TECTA: variants seen among roughly 807,000 people sequenced by gnomAD.
TECTA encodes the protein tectorin alpha, also known as alpha-tectorin.
In TECTA, 128 loss-of-function variants were observed where a neutral mutation model predicts 216.8. The ratio of observed to expected loss-of-function variants is 0.59; its 90% confidence interval spans 0.51 to 0.68. TECTA has a LOEUF of 0.68. Ranked by LOEUF, TECTA falls within the 30% of genes least tolerant of loss-of-function variation. TECTA has a pLI of 0.00. For synonymous variants in TECTA, 1,089 were observed against 1,117.1 expected (o/e 0.97, Z 0.50); for missense variants, 2,551 against 2,786.2 (o/e 0.92, Z 1.90).
chr11:121,102,425 T>C (rs553983861), intron 1 of TECTA, among the ~76,000 whole-genome samples: 2 of 152,328 alleles, frequency 1.3e-5, no homozygotes, highest in African/African-American at 4.8e-5. Flanking sequence ...GTTTGAATGA[T>C]CTCATTACAC....
In TECTA at chr11:121,188,019, T is replaced by C. The variant is rs1347721135; in HGVS notation, c.6162+25T>C. On this transcript the variant is annotated intron_variant, in intron 21 of 23. Transcript: ENST00000392793. The stretch of plus-strand genomic sequence containing the variant: ...CGTAAGTGAGAGTGTGAAAACAAAG[T>C]GCTTAGCCTTATTTCTCACTGTCTT... 3.1e-6 allele frequency: 5 copies of C among 1,613,594 alleles called. No homozygotes were observed. In the Admixed American group the frequency reaches 6.7e-5, roughly 22 times the overall value.
chr11:121,117,579 A>T (rs1946512819), intron 6 of TECTA, among the ~76,000 whole-genome samples: 1 of 152,178 alleles, frequency 6.6e-6, no homozygotes, highest in East Asian at 1.9e-4. Context: ...CCCTTTCCTC[A>T]TTCTCTTCCT....
At chr11:121,130,346 T>G (rs1946661936) in intron 10 of TECTA, 135 bp downstream of exon 10, 1 of 1,002,402 alleles carries the variant, frequency 1.0e-6, no homozygotes, top group Admixed American at 2.7e-5. Flanking sequence ...CCTACCCTAG[T>G]CTGATGTGTC....
At chr11:121,115,464 T>G (rs1946492622) in intron 6 of TECTA, among the ~76,000 whole-genome samples, 1 of 152,132 alleles carries the variant, frequency 6.6e-6, no homozygotes, top group African/African-American at 2.4e-5. Context: ...GGTAGACACT[T>G]GTGTAGGGTA....
chr11:121,129,728 A>G lies in TECTA; in HGVS notation c.2458A>G (p.Lys820Glu). Residue 820 changes from lysine (K) to glutamate (E), a missense_variant, in exon 10 of 24, where the codon AAG (lysine) becomes GAG (glutamate). Physicochemically the swap from Lys to Glu is moderately conservative, Grantham distance 56. Transcript: ENST00000392793. ...CAAAAACAGTACGACAGTGGAGTCC[A>G]AGGGCGTGGTGACTGTCCAGTACTC... ...RNKNSTTVES[K>E]GVVTVQYSDI... 3.1e-6 allele frequency: 5 copies of G among 1,614,232 alleles called. No individual in the cohort carries two copies. Among genetic ancestry groups the G allele is most frequent in the Non-Finnish European group, 3.4e-6 (4 of 1,180,042 alleles).
chr11:121,155,056 A>G (rs1478378289), intron 13 of TECTA, among the ~76,000 whole-genome samples: 3 of 152,234 alleles, frequency 2.0e-5, no homozygotes, highest in African/African-American at 7.2e-5. Flanking sequence ...GCAAACTCAG[A>G]GAACAAAGAA....
At chr11:121,190,089 C>G (rs982836803) in intron 23 of TECTA, 1 of 577,132 alleles carries the variant, frequency 1.7e-6, no homozygotes, top group Non-Finnish European at 3.1e-6. Flanking sequence ...AAACCTTGCT[C>G]TTTCATCTAA....
intron 15 of TECTA, 144 bp from the exon 16 acceptor site, chr11:121,161,931 G>A: frequency 2.1e-6 from 2 of 935,918 alleles, no homozygotes; most frequent in South Asian, 2.7e-5. Flanking sequence ...GAGACTAGCA[G>A]TATCTTACTT....
At position 121,128,322 on chromosome 11, in the gene TECTA, G is replaced by T. The variant is rs1400104609; in HGVS notation, c.2345G>T (p.Gly782Val). ...LVADQEVKIG[G>V]IGASEVKLNG... is the part of the protein sequence containing the mutation. ...GCCGACCAGGAGGTCAAGATAGGAG[G>T]CATCGGGGCTTCGGAAGTCAAGGTA... is the stretch of plus-strand genomic sequence containing the variant. The change falls in exon 9 of 24, where the codon GGC becomes GTC. Residue 782 changes from glycine (G) to valine (V), a missense_variant. Gly to Val is a moderately radical substitution (Grantham distance 109). This residue lies in a region of TECTA where 2,375 missense variants were observed against 2,563.9 expected (regional missense o/e 0.93). Transcript: ENST00000392793. The T allele has an allele frequency of 1.3e-6, 2 of 1,599,554 alleles. No homozygotes were observed. The highest frequency in any genetic ancestry group is 2.7e-5 in the African/African-American group (2 of 74,924).
intron 20 of TECTA, among the ~76,000 whole-genome samples, chr11:121,187,449 T>G (rs925116404): frequency 5.9e-5 from 9 of 152,204 alleles, no homozygotes; most frequent in African/African-American, 1.7e-4. Context: ...ACATTGATAA[T>G]TAACTGAAGA....
chr11:121,112,364 C>T (rs145198435), intron 4 of TECTA, among the ~76,000 whole-genome samples: 2,529 of 152,330 alleles, frequency 0.017, 32 homozygotes, highest in Non-Finnish European at 0.027. Flanking sequence ...TTTCTAGTAA[C>T]TCATTTCCCG....
At chr11:121,150,222 C>T (rs1028693302) in intron 12 of TECTA, among the ~76,000 whole-genome samples, 2 of 152,118 alleles carry the variant, frequency 1.3e-5, no homozygotes, top group African/African-American at 4.8e-5. Flanking sequence ...GAGAAATTAG[C>T]GTATGGTAAA....
chr11:121,189,974 C>T, intron 23 of TECTA, 94 bp downstream of exon 23: 1 of 995,758 alleles, frequency 1.0e-6, no homozygotes, highest in Admixed American at 1.8e-5. Flanking sequence ...GCCACTCGGT[C>T]AGCAACTCTC....
intron 12 of TECTA, chr11:121,146,337 G>A (rs1946838656): frequency 1.7e-6 from 1 of 601,154 alleles, no homozygotes; most frequent in South Asian, 2.0e-5. Context: ...TTATTTCATG[G>A]GTTACCCTGA....
At chr11:121,178,175 A>T (rs1337990139) in intron 20 of TECTA, among the ~76,000 whole-genome samples, 4 of 152,194 alleles carry the variant, frequency 2.6e-5, no homozygotes, top group Non-Finnish European at 2.9e-5. Context: ...TGCACGGTGC[A>T]CTGCACCCAC....
chr11:121,124,476 A>G (rs149974110), intron 7 of TECTA, among the ~76,000 whole-genome samples: 24 of 152,160 alleles, frequency 1.6e-4, no homozygotes, highest in African/African-American at 5.8e-4. Flanking sequence ...ATCTTTAAAG[A>G]CCCAGGTTAG....
intron 12 of TECTA, among the ~76,000 whole-genome samples, chr11:121,147,193 G>A (rs1946846588): frequency 6.6e-6 from 1 of 152,164 alleles, no homozygotes; most frequent in African/African-American, 2.4e-5. Flanking sequence ...CTTTTAGAAG[G>A]TCTGTAGCTC....
intron 20 of TECTA, among the ~76,000 whole-genome samples, chr11:121,183,213 G>A (rs571444602): frequency 6.6e-6 from 1 of 152,280 alleles, no homozygotes; most frequent in South Asian, 2.1e-4. Context: ...AGGGCTCCAG[G>A]GATGTGAAGA....
At chr11:121,184,369 TGAG>T (rs2134212120) in intron 20 of TECTA, among the ~76,000 whole-genome samples, 1 of 152,300 alleles carries the variant, frequency 6.6e-6, no homozygotes, top group Non-Finnish European at 1.5e-5. Context: ...TTGTAACCAA[TGAG>T]GAGAGAGCAC....
Sources: gnomAD v4.1 joint callset for allele counts (sites outside exome capture counted in the v4.1 genomes callset) on GRCh38, gnomAD v4.1.1 for gene constraint, gnomAD v4.1.1 regional missense constraint, MANE v1.5 for transcripts, NCBI Gene and HGNC (gene_info 2026-07-23, HGNC 2026-07-21) for gene names.